PBX3: variants seen among roughly 807,000 people sequenced by gnomAD.
PBX3 encodes the protein PBX homeobox 3.
PBX3 carries 14 observed loss-of-function variants against 48.5 expected under a neutral mutation model. The observed-to-expected ratio is 0.29, with a 90% CI of 0.19 to 0.45. The LOEUF (loss-of-function observed/expected upper bound fraction) is 0.45, where lower values mean the gene tolerates loss of function less well. Ranked by LOEUF, PBX3 falls within the 20% of genes least tolerant of loss-of-function variation. The pLI, the probability that PBX3 is intolerant of heterozygous loss-of-function variation, is 1.00. For missense variants in PBX3, 386 were observed against 546.7 expected (o/e 0.71, Z 2.93); for synonymous variants, 210 against 200.3 (o/e 1.05, Z -0.41).
At chr9:125,945,231 A>G (rs1020656270) in intron 5 of PBX3, among the ~76,000 whole-genome samples, 6 of 23,400 alleles carry the variant, frequency 2.6e-4, no homozygotes, top group African/African-American at 4.3e-4. Context: ...CTCAAAAAGA[A>G]AAAAAAAAAA....
chr9:125,920,554 TTTGC>T lies in PBX3; in HGVS notation c.516+4631_516+4634del, dbSNP rs547524190. ...ATAATGCTCTGTGCAGCTCTCCCACTTTGCTTGTGCCAGAAGAAATGCGTGTACA... is the reference window on the plus strand; with the variant it reads ...ATAATGCTCTGTGCAGCTCTCCCACTTTGTGCCAGAAGAAATGCGTGTACA... On this transcript the variant is annotated intron_variant, in intron 3 of 8. Transcript: ENST00000373489. 2.0e-3 allele frequency among the ~76,000 whole-genome samples: 309 copies of T among 152,352 alleles called. 2 individuals are homozygous for T. The highest frequency in any genetic ancestry group is 7.2e-3 in the African/African-American group (298 of 41,580).
chr9:125,961,320 C>T lies in PBX3; in HGVS notation c.1009+471C>T, dbSNP rs182185018. 6.8e-4 allele frequency among the ~76,000 whole-genome samples: 104 copies of T among 152,296 alleles called. 1 individual carries two copies. The highest frequency in any genetic ancestry group is 3.4e-3 in the Middle Eastern group (1 of 294). ...CTGCCTTTCAGCAGCACTGTCTGAG[C>T]GGGGCTGACGGCATGCTCAGCAGGT... On this transcript the variant is annotated intron_variant, in intron 6 of 8. Coordinates refer to ENST00000373489, the MANE Select transcript of PBX3 (RefSeq NM_006195.6).
intron 2 of PBX3, among the ~76,000 whole-genome samples, chr9:125,810,784 G>C (rs1838267229): frequency 6.6e-6 from 1 of 152,204 alleles, no homozygotes; most frequent in Non-Finnish European, 1.5e-5. Flanking sequence ...GAAGTGTGAA[G>C]AAGGTGGTGC....
intron 2 of PBX3, among the ~76,000 whole-genome samples, chr9:125,780,714 G>A (rs1268683562): frequency 3.4e-5 from 3 of 88,478 alleles, no homozygotes; most frequent in East Asian, 4.5e-4. Flanking sequence ...CCTCCCTCCC[G>A]GACGGGGGGC....
At position 125,962,094 on chromosome 9, in the gene PBX3, C is replaced by G. The variant is rs751878387; in HGVS notation, c.1010-8C>G. ...TGTTATTCAGCTACTTAACTCTTTCCTTTCCAGGTTCTTCTGGTTCTTTTA... is the reference window on the plus strand; with the variant it reads ...TGTTATTCAGCTACTTAACTCTTTCGTTTCCAGGTTCTTCTGGTTCTTTTA... On this transcript the variant is annotated splice_region_variant and splice_polypyrimidine_tract_variant and intron_variant, in intron 6 of 8. Transcript: ENST00000373489. The G allele has an allele frequency of 6.8e-7, 1 of 1,471,854 alleles. No individual in the cohort carries two copies. Among genetic ancestry groups the G allele is most frequent in the Non-Finnish European group, 9.5e-7 (1 of 1,050,872 alleles). The allele number at this position is 1,471,854 out of a possible 1,614,324, so 91.2% of individuals were successfully genotyped here.
At chr9:125,918,069 CTA>C (rs1052870035) in intron 3 of PBX3, among the ~76,000 whole-genome samples, 22 of 152,128 alleles carry the variant, frequency 1.4e-4, no homozygotes, top group Non-Finnish European at 4.4e-5. Flanking sequence ...GCTAAAATAA[CTA>C]TAACTACTTA....
chr9:125,921,498 TATTA>T (rs1309151182), intron 3 of PBX3, among the ~76,000 whole-genome samples: 1 of 152,142 alleles, frequency 6.6e-6, no homozygotes, highest in Non-Finnish European at 1.5e-5. Flanking sequence ...ATTTACTGAG[TATTA>T]ATTATGCTGC....
intron 2 of PBX3, among the ~76,000 whole-genome samples, chr9:125,808,077 A>G (rs763110007): frequency 2.0e-5 from 3 of 152,212 alleles, no homozygotes; most frequent in African/African-American, 7.2e-5. Context: ...GATAAAGTCT[A>G]CTTTCTAGAC....
At chr9:125,780,781 C>T (rs1275016245) in intron 2 of PBX3, among the ~76,000 whole-genome samples, 2 of 146,376 alleles carry the variant, frequency 1.4e-5, no homozygotes, top group African/African-American at 5.0e-5. Flanking sequence ...GGGCTGACCC[C>T]CCCACCTCCC....
chr9:125,963,674 G>C (rs918425706), intron 8 of PBX3, among the ~76,000 whole-genome samples: 1 of 152,148 alleles, frequency 6.6e-6, no homozygotes, highest in Non-Finnish European at 1.5e-5. Context: ...ACACAGCTCT[G>C]GAAAAGGGGG....
At chr9:125,912,047 A>G (rs1841215957) in intron 2 of PBX3, among the ~76,000 whole-genome samples, 1 of 152,102 alleles carries the variant, frequency 6.6e-6, no homozygotes, top group Non-Finnish European at 1.5e-5. Flanking sequence ...TGGTCCTTGA[A>G]ATGAGGGAGC....
intron 2 of PBX3, among the ~76,000 whole-genome samples, chr9:125,848,447 T>C (rs1453118167): frequency 6.6e-6 from 1 of 152,088 alleles, no homozygotes; most frequent in African/African-American, 2.4e-5. Context: ...TTGTGTCTTA[T>C]ACTACTTCCT....
intron 2 of PBX3, among the ~76,000 whole-genome samples, chr9:125,786,875 C>A (rs1837471133): frequency 6.6e-6 from 1 of 151,922 alleles, no homozygotes; most frequent in Non-Finnish European, 1.5e-5. Context: ...CAGGTGCACA[C>A]CACCACACCC....
intron 2 of PBX3, among the ~76,000 whole-genome samples, chr9:125,813,577 T>C (rs1367259414): frequency 2.6e-5 from 4 of 152,252 alleles, no homozygotes; most frequent in Admixed American, 2.6e-4. Context: ...CCATTGTGTT[T>C]GCAATCCTTC....
intron 2 of PBX3, among the ~76,000 whole-genome samples, chr9:125,863,860 T>C (rs2132297682): frequency 6.6e-6 from 1 of 152,342 alleles, no homozygotes; most frequent in East Asian, 1.9e-4. Context: ...TTTCTAATTA[T>C]GTAATTCCCC....
At chr9:125,802,271 CT>C in intron 2 of PBX3, among the ~76,000 whole-genome samples, 1 of 151,442 alleles carries the variant, frequency 6.6e-6, no homozygotes, top group African/African-American at 2.4e-5. Context: ...CCACCCACCC[CT>C]CTCTAGTAGT....
rs200613608 is a variant in PBX3 at position 125,965,807 on chromosome 9, G to A, written c.1213-24G>A. ...AGAATTAATATGTAGACGTGCACCC[G>A]TTGAACTGTGTTTCTCCTTTCAGGC... On this transcript the variant is annotated intron_variant, in intron 8 of 8. Transcript: ENST00000373489. 62 of 1,578,600 alleles carry A rather than the reference G, an allele frequency of 3.9e-5. 1 individual carries two copies. The South Asian group carries it at 4.3e-4, about 11-fold the overall frequency.
At chr9:125,798,281 A>G (rs1034901379) in intron 2 of PBX3, among the ~76,000 whole-genome samples, 7 of 152,126 alleles carry the variant, frequency 4.6e-5, no homozygotes, top group African/African-American at 1.7e-4. Flanking sequence ...TTTTACTCTC[A>G]TGGAGTTTCA....
At chr9:125,834,258 T>C (rs1251032419) in intron 2 of PBX3, among the ~76,000 whole-genome samples, 1 of 152,096 alleles carries the variant, frequency 6.6e-6, no homozygotes, top group Non-Finnish European at 1.5e-5. Flanking sequence ...AGGAAAAATA[T>C]GAGCTGAGAC....
Sources: allele counts gnomAD v4.1 joint callset (sites outside exome capture counted in the v4.1 genomes callset), GRCh38; gene constraint gnomAD v4.1.1; transcripts MANE v1.5; gene names NCBI Gene and HGNC (gene_info 2026-07-23, HGNC 2026-07-21).